The following RSPO2 variants were observed in gnomAD, a reference collection of about 807,000 sequenced individuals.
The protein encoded by RSPO2 is R-spondin 2.
Under a neutral mutation model 30.9 loss-of-function variants are expected in RSPO2, and 14 were observed. The ratio of observed to expected loss-of-function variants is 0.45; its 90% CI spans 0.30 to 0.71. The LOEUF (loss-of-function observed/expected upper bound fraction) is 0.71. RSPO2 is among the 30% of genes least tolerant of loss of function. The pLI, the probability that RSPO2 is intolerant of heterozygous loss-of-function variation, is 0.08. For synonymous variants in RSPO2, 107 were observed against 96.4 expected, an observed-to-expected ratio of 1.11 and a Z score of -0.64; for missense variants, 264 against 301.9, an observed-to-expected ratio of 0.87 and a Z score of 0.93.
intron 2 of RSPO2, among the ~76,000 whole-genome samples, chr8:108,047,545 G>A (rs951011728): frequency 4.6e-5 from 7 of 152,208 alleles, no homozygotes; most frequent in Non-Finnish European, 8.8e-5. Context: ...CAATTGAAGT[G>A]GATGCCTTTT....
At chr8:107,984,363 G>A (rs1836257) in intron 3 of RSPO2, among the ~76,000 whole-genome samples, 14,812 of 152,220 alleles carry the variant, frequency 0.097, 928 homozygotes, top group East Asian at 0.22. Flanking sequence ...TATGGTGGCC[G>A]GAGGGGCTGC....
intron 5 of RSPO2, among the ~76,000 whole-genome samples, chr8:107,930,928 A>G (rs1409081635): frequency 6.6e-6 from 1 of 152,208 alleles, no homozygotes; most frequent in East Asian, 1.9e-4. Context: ...ATCAAGCAGG[A>G]TTTTATAATC....
intron 2 of RSPO2, among the ~76,000 whole-genome samples, chr8:107,996,759 G>T (rs1288991427): frequency 6.6e-6 from 1 of 152,130 alleles, no homozygotes; most frequent in Non-Finnish European, 1.5e-5. Flanking sequence ...TTGTTTTTAT[G>T]TATCAGGAGC....
chr8:107,916,422 A>T (rs910451034), intron 5 of RSPO2, among the ~76,000 whole-genome samples: 3 of 152,188 alleles, frequency 2.0e-5, no homozygotes, highest in African/African-American at 7.2e-5. Context: ...GTACATAATT[A>T]AAATCACTTA....
intron 2 of RSPO2, among the ~76,000 whole-genome samples, chr8:108,000,989 C>A (rs192049742): frequency 7.1e-6 from 1 of 141,512 alleles, no homozygotes; most frequent in South Asian, 2.3e-4. Context: ...GTGACAAGAG[C>A]GACACTCTGT....
intron 3 of RSPO2, among the ~76,000 whole-genome samples, chr8:107,965,318 A>G (rs1419505201): frequency 6.6e-6 from 1 of 152,156 alleles, no homozygotes; most frequent in Non-Finnish European, 1.5e-5. Context: ...ATTTGGCAAG[A>G]AGGGCTTAAC....
chr8:107,919,839 C>T (rs907260706), intron 5 of RSPO2, among the ~76,000 whole-genome samples: 1 of 152,032 alleles, frequency 6.6e-6, no homozygotes, highest in Non-Finnish European at 1.5e-5. Flanking sequence ...GAAAAAGTTA[C>T]AAAAATTAAA....
chr8:107,970,961 C>T (rs1586588940), intron 3 of RSPO2, among the ~76,000 whole-genome samples: 1 of 152,190 alleles, frequency 6.6e-6, no homozygotes, highest in African/African-American at 2.4e-5. Context: ...CAGTGGCAGG[C>T]AACCTTCGGG....
intron 2 of RSPO2, among the ~76,000 whole-genome samples, chr8:108,062,606 A>G (rs892126141): frequency 6.6e-6 from 1 of 151,910 alleles, no homozygotes; most frequent in African/African-American, 2.4e-5. Context: ...CCAGAGGTAC[A>G]AGGAGGAGTT....
intron 3 of RSPO2, among the ~76,000 whole-genome samples, chr8:107,984,871 G>A (rs1318791449): frequency 2.6e-5 from 4 of 152,172 alleles, no homozygotes; most frequent in Non-Finnish European, 5.9e-5. Context: ...GGAAGTTAGT[G>A]AGTGGGTAGT....
chr8:107,995,507 T>C lies in RSPO2; in HGVS notation c.95-6263A>G, dbSNP rs147106832. Reference sequence around the variant, plus strand: ...TCCATAACAATGAACCAAACCAATGTCACCGTCACATTTCTTCAAAGTGTC... The same window carrying C: ...TCCATAACAATGAACCAAACCAATGCCACCGTCACATTTCTTCAAAGTGTC... On this transcript the variant is annotated intron_variant, in intron 2 of 5. Transcript: ENST00000276659. Among the ~76,000 whole-genome samples the C allele has an allele frequency of 2.2e-4, 34 of 152,300 alleles. No individual in the cohort carries two copies. The East Asian group carries it at 5.2e-3, about 23-fold the overall frequency.
Position 108,025,692 on chromosome 8 carries a change from A to AT in RSPO2, c.95-36449dup, listed in dbSNP as rs920390862. 4.4e-3 allele frequency among the ~76,000 whole-genome samples: 662 copies of AT among 149,440 alleles called. 2 individuals carry two copies. Among genetic ancestry groups the AT allele is most frequent in the African/African-American group, 0.013 (542 of 40,764 alleles). ...GGATGCACCCCACCACACTTGGCTG[A>AT]TTTTTTTTTTAAAGAAAGAGGATCT... On this transcript the variant is annotated intron_variant, in intron 2 of 5. Transcript: ENST00000276659.
chr8:107,995,978 A>G (rs1340267439), intron 2 of RSPO2, among the ~76,000 whole-genome samples: 1 of 152,152 alleles, frequency 6.6e-6, no homozygotes, highest in African/African-American at 2.4e-5. Flanking sequence ...AGCTTATACT[A>G]TCTACAATTT....
chr8:108,013,232 T>G (rs1448627452), intron 2 of RSPO2, among the ~76,000 whole-genome samples: 1 of 152,042 alleles, frequency 6.6e-6, no homozygotes, highest in Non-Finnish European at 1.5e-5. Context: ...TAACTTCTCA[T>G]GTTTATAGAT....
chr8:107,929,150 TA>T (rs1484560803), intron 5 of RSPO2, among the ~76,000 whole-genome samples: 1 of 152,212 alleles, frequency 6.6e-6, no homozygotes, highest in East Asian at 1.9e-4. Context: ...TGATGGATGG[TA>T]ATGGCTGCTT....
chr8:108,026,851 G>C (rs755463274), intron 2 of RSPO2, among the ~76,000 whole-genome samples: 2 of 151,712 alleles, frequency 1.3e-5, no homozygotes, highest in African/African-American at 2.4e-5. Context: ...GTGTGACAGA[G>C]CGAGACTCCA....
intron 5 of RSPO2, among the ~76,000 whole-genome samples, chr8:107,938,459 G>A (rs980034573): frequency 6.6e-6 from 1 of 152,060 alleles, no homozygotes; most frequent in African/African-American, 2.4e-5. Flanking sequence ...ATTTATTAAA[G>A]CTGTAATATC....
intron 2 of RSPO2, among the ~76,000 whole-genome samples, chr8:108,022,203 G>A (rs1320671548): frequency 4.6e-5 from 7 of 152,034 alleles, no homozygotes; most frequent in Middle Eastern, 3.2e-3. Flanking sequence ...AAACAGCCAC[G>A]CTCCATCTTT....
intron 5 of RSPO2, among the ~76,000 whole-genome samples, chr8:107,934,918 A>T (rs894971345): frequency 6.6e-6 from 1 of 152,138 alleles, no homozygotes; most frequent in African/African-American, 2.4e-5. Flanking sequence ...CATCATCTTC[A>T]TAAGCTGAGG....
Sources: allele counts gnomAD v4.1 joint callset (sites outside exome capture counted in the v4.1 genomes callset), GRCh38; gene constraint gnomAD v4.1.1; transcripts MANE v1.5; gene names NCBI Gene and HGNC (gene_info 2026-07-23, HGNC 2026-07-21).